The following ZCCHC7 variants were observed in gnomAD, a reference collection of about 807,000 sequenced individuals.
ZCCHC7 encodes zinc finger CCHC-type containing 7.
Under a neutral mutation model 52.0 loss-of-function variants are expected in ZCCHC7, and 35 were observed. That is an observed-to-expected ratio of 0.67 (90% CI 0.51 to 0.89). ZCCHC7 has a LOEUF of 0.89. ZCCHC7 is among the 40% of genes least tolerant of loss of function. ZCCHC7 has a pLI of 0.00. For synonymous variants in ZCCHC7, 217 were observed against 221.5 expected (o/e 0.98, Z 0.18); for missense variants, 574 against 649.1 (o/e 0.88, Z 1.26).
intron 2 of ZCCHC7, among the ~76,000 whole-genome samples, chr9:37,206,725 G>A (rs1823937763): frequency 6.6e-6 from 1 of 152,086 alleles, no homozygotes; most frequent in African/African-American, 2.4e-5. Context: ...TGTACATTCT[G>A]TGATCTGTCC....
intron 2 of ZCCHC7, among the ~76,000 whole-genome samples, chr9:37,214,310 G>A (rs895606729): frequency 1.3e-5 from 2 of 151,972 alleles, no homozygotes; most frequent in Admixed American, 1.3e-4. Context: ...TTATGTTAAG[G>A]AAACATTATC....
chr9:37,176,926 T>A (rs1822066449), intron 2 of ZCCHC7, among the ~76,000 whole-genome samples: 1 of 152,106 alleles, frequency 6.6e-6, no homozygotes, highest in Non-Finnish European at 1.5e-5. Flanking sequence ...CTTACACTGG[T>A]GTTTTTGTTT....
chr9:37,148,197 A>T (rs1304451581), intron 2 of ZCCHC7, among the ~76,000 whole-genome samples: 1 of 152,134 alleles, frequency 6.6e-6, no homozygotes, highest in Non-Finnish European at 1.5e-5. Context: ...TTTGATATGT[A>T]TTCATTTAGC....
intron 2 of ZCCHC7, among the ~76,000 whole-genome samples, chr9:37,173,257 T>C (rs1416796724): frequency 6.6e-6 from 1 of 152,226 alleles, no homozygotes; most frequent in African/African-American, 2.4e-5. Flanking sequence ...TTTGAAGATT[T>C]AACATGTTTT....
intron 2 of ZCCHC7, among the ~76,000 whole-genome samples, chr9:37,199,154 T>G (rs906292917): frequency 6.6e-6 from 1 of 152,090 alleles, no homozygotes; most frequent in African/African-American, 2.4e-5. Context: ...ATACTATTTT[T>G]CATCATGCTC....
At chr9:37,173,820 T>C (rs922927093) in intron 2 of ZCCHC7, among the ~76,000 whole-genome samples, 5 of 152,310 alleles carry the variant, frequency 3.3e-5, no homozygotes, top group African/African-American at 1.2e-4. Context: ...ATTTTTCTTA[T>C]TAATTTTTTT....
At chr9:37,150,391 G>A (rs1820451709) in intron 2 of ZCCHC7, among the ~76,000 whole-genome samples, 1 of 152,148 alleles carries the variant, frequency 6.6e-6, no homozygotes, top group East Asian at 1.9e-4. Context: ...AAAGTGTTTG[G>A]ATATATTAAA....
intron 2 of ZCCHC7, among the ~76,000 whole-genome samples, chr9:37,254,855 G>GTTTTTTTTTTTTTTTT (rs77209889): frequency 4.5e-5 from 1 of 22,302 alleles, no homozygotes. Context: ...TTTTTTTTTG[G>GTTTTTTTTTTTTTTTT]ATTTTTGAAT....
intron 6 of ZCCHC7, among the ~76,000 whole-genome samples, chr9:37,338,819 C>T (rs1830800992): frequency 6.6e-6 from 1 of 151,868 alleles, no homozygotes; most frequent in Non-Finnish European, 1.5e-5. Flanking sequence ...CAAAAGCATA[C>T]ATGTCTGTTG....
intron 2 of ZCCHC7, among the ~76,000 whole-genome samples, chr9:37,217,966 G>A (rs1471647366): frequency 6.6e-6 from 1 of 152,058 alleles, no homozygotes; most frequent in Non-Finnish European, 1.5e-5. Context: ...TATATACTTT[G>A]GAAATTCTAT....
At chr9:37,138,409 G>A (rs1002706331) in intron 2 of ZCCHC7, among the ~76,000 whole-genome samples, 1 of 152,102 alleles carries the variant, frequency 6.6e-6, no homozygotes, top group African/African-American at 2.4e-5. Flanking sequence ...TAATTTCTGT[G>A]ATTTCACTGT....
rs561049381 is a variant in ZCCHC7, at chr9:37,199,950, C to T, written c.610+73008C>T. 3.3e-5 allele frequency among the ~76,000 whole-genome samples: 5 copies of T among 152,212 alleles called. No individual in the cohort carries two copies. The South Asian group carries it at 1.0e-3, about 32-fold the overall frequency. On this transcript the variant is annotated intron_variant, in intron 2 of 8. Transcript: ENST00000336755. Reference sequence around the variant, plus strand: ...CAAACTCCTGACTTCAGGTGATCCACCTGCCTCGGCCTCCCAAAGTGCTGG... The same window carrying T: ...CAAACTCCTGACTTCAGGTGATCCATCTGCCTCGGCCTCCCAAAGTGCTGG...
intron 2 of ZCCHC7, among the ~76,000 whole-genome samples, chr9:37,192,731 G>A (rs1823081721): frequency 6.6e-6 from 1 of 152,092 alleles, no homozygotes; most frequent in Non-Finnish European, 1.5e-5. Flanking sequence ...CTTCAACAAA[G>A]ATATCTATTA....
At chr9:37,272,866 G>C (rs1465439116) in intron 2 of ZCCHC7, among the ~76,000 whole-genome samples, 3 of 152,012 alleles carry the variant, frequency 2.0e-5, no homozygotes, top group Non-Finnish European at 4.4e-5. Context: ...TTTAACTACT[G>C]TATAGTATTC....
intron 2 of ZCCHC7, among the ~76,000 whole-genome samples, chr9:37,174,567 T>C (rs1042383214): frequency 7.9e-5 from 12 of 152,058 alleles, no homozygotes; most frequent in African/African-American, 2.9e-4. Context: ...GCATAGAAAA[T>C]AGAAGTTGTT....
intron 2 of ZCCHC7, among the ~76,000 whole-genome samples, chr9:37,147,176 C>A (rs570076609): frequency 6.6e-6 from 1 of 151,752 alleles, no homozygotes; most frequent in Non-Finnish European, 1.5e-5. Flanking sequence ...AAAAAGTTAG[C>A]CCCGATAATT....
rs533226993 is a variant in ZCCHC7, at chr9:37,262,634, G to A, written c.611-39554G>A. 9.7e-4 allele frequency among the ~76,000 whole-genome samples: 147 copies of A among 152,182 alleles called. 1 individual carries two copies. Among genetic ancestry groups the A allele is most frequent in the Non-Finnish European group, 1.8e-3 (125 of 68,006 alleles). ...GTCATCTATGCCTTCCAGAACTCCCGGTGGATACCAGGGAAAATCATACAT... is the reference window on the plus strand; with the variant it reads ...GTCATCTATGCCTTCCAGAACTCCCAGTGGATACCAGGGAAAATCATACAT... On this transcript the variant is annotated intron_variant, in intron 2 of 8. Transcript: ENST00000336755.
At chr9:37,201,541 T>G (rs997769661) in intron 2 of ZCCHC7, among the ~76,000 whole-genome samples, 1 of 152,242 alleles carries the variant, frequency 6.6e-6, no homozygotes, top group Non-Finnish European at 1.5e-5. Flanking sequence ...CTATTTTATT[T>G]GTGTTCATCA....
At position 37,357,229 on chromosome 9, in the gene ZCCHC7, T is replaced by G. The variant is rs867741312; in HGVS notation, c.1593T>G (p.Asp531Glu). 1.9e-6 allele frequency: 3 copies of G among 1,608,468 alleles called. No individual in the cohort carries two copies. Among genetic ancestry groups the G allele is most frequent in the Middle Eastern group, 1.7e-4 (1 of 5,954 alleles). Reference protein sequence around the residue: ...KERCWEDDDNDNLFLIKQRKK... With the variant: ...KERCWEDDDNENLFLIKQRKK... ...GGTGCTGGGAAGATGATGACAATGA[T>G]AACTTATTTCTTATTAAGCAGAGAA... is the stretch of plus-strand genomic sequence containing the variant. The change falls in exon 9 of 9, where the codon GAT becomes GAG. Residue 531 changes from aspartate to glutamate, a missense_variant. Coordinates refer to ENST00000336755, the MANE Select transcript of ZCCHC7 (RefSeq NM_032226.3).
Sources: gnomAD v4.1 joint callset for allele counts (sites outside exome capture counted in the v4.1 genomes callset) on GRCh38, gnomAD v4.1.1 for gene constraint, MANE v1.5 for transcripts, NCBI Gene and HGNC (gene_info 2026-07-23, HGNC 2026-07-21) for gene names.